NRIP1: variants seen among roughly 807,000 people sequenced by gnomAD.
NRIP1 encodes the protein nuclear receptor interacting protein 1, also known as nuclear receptor-interacting protein 1.
In NRIP1, 28 loss-of-function variants were observed where a neutral mutation model predicts 75.0. The ratio of observed to expected loss-of-function variants is 0.37; its 90% CI spans 0.28 to 0.51. The LOEUF is 0.51. Among genes scored for constraint, NRIP1 ranks in the 20% least tolerant of loss-of-function variants. The probability of loss-of-function intolerance (pLI) is 0.92; values close to 1 mark genes in which losing one functional copy is unlikely to be tolerated. For missense variants in NRIP1, 1,435 were observed against 1,343.7 expected (o/e 1.07, Z -1.06); for synonymous variants, 526 against 487.6 (o/e 1.08, Z -1.04).
intron 1 of NRIP1, chr21:15,051,242 C>A (rs929338892): frequency 6.1e-5 from 14 of 227,908 alleles, no homozygotes; most frequent in Admixed American, 3.1e-4. Flanking sequence ...TCACATGCAC[C>A]TGACTGACCA....
At chr21:15,011,061 AT>A (rs983886418) in intron 3 of NRIP1, among the ~76,000 whole-genome samples, 9 of 152,306 alleles carry the variant, frequency 5.9e-5, no homozygotes, top group Non-Finnish European at 1.0e-4. Flanking sequence ...GTTTAAACAC[AT>A]TTTACAAAGA....
intron 3 of NRIP1, among the ~76,000 whole-genome samples, chr21:14,989,677 C>CCT (rs1164469518): frequency 6.6e-6 from 1 of 152,052 alleles, no homozygotes; most frequent in East Asian, 1.9e-4. Context: ...TATCATGTTC[C>CCT]CTCTATTCCA....
At position 15,064,905 on chromosome 21, in the gene NRIP1, CG is replaced by C. The variant is rs929029840; in HGVS notation, c.-699del. On this transcript the variant is annotated 5_prime_UTR_variant, in exon 1 of 4. Coordinates refer to ENST00000318948, the MANE Select transcript of NRIP1 (RefSeq NM_003489.4). ...GAGGCCACGGGCGGACGGGCGCGCG[CG>C]GGTGGCGGGCGGGCGTGGGGCCGGG... The C allele has an allele frequency of 6.1e-5, 9 of 148,404 alleles. No individual in the cohort carries two copies. The highest frequency in any genetic ancestry group is 1.1e-4 in the Non-Finnish European group (7 of 66,570). 9.2% of individuals were successfully genotyped at this position (148,404 alleles called of 1,614,324 possible).
At chr21:14,971,484 C>G (rs1049989580) in intron 3 of NRIP1, 4 of 152,148 alleles carry the variant, frequency 2.6e-5, no homozygotes, top group Non-Finnish European at 4.4e-5. Flanking sequence ...AACTCCCAAT[C>G]TGCTTCAAGA....
In NRIP1 at chr21:14,961,327, T is replaced by G. The variant is rs941853655; in HGVS notation, c.*3389A>C. 6.6e-6 allele frequency: 1 copy of G among 152,442 alleles called. No homozygotes were observed. Among genetic ancestry groups the G allele is most frequent in the Non-Finnish European group, 1.5e-5 (1 of 67,900 alleles). The allele number at this position is 152,442 out of a possible 1,614,324, so 9.4% of individuals were successfully genotyped here. ...AAACAAAAAAATTCACACTGCAGTA[T>G]GTACAGTTTCATGACATCACATGAA... On this transcript the variant is annotated 3_prime_UTR_variant, in exon 4 of 4. Coordinates refer to ENST00000318948, the MANE Select transcript of NRIP1 (RefSeq NM_003489.4).
intron 3 of NRIP1, among the ~76,000 whole-genome samples, chr21:15,009,339 T>C (rs987849288): frequency 5.2e-4 from 79 of 152,354 alleles, no homozygotes; most frequent in African/African-American, 1.8e-3. Flanking sequence ...TGCTATGTTG[T>C]TAAGAGCTGA....
rs1465470864 is a variant in NRIP1, at chr21:14,967,008, T to C, written c.1185A>G (p.Gly395=). 5 of 1,614,154 alleles carry C rather than the reference T, an allele frequency of 3.1e-6. No homozygotes were observed. The highest frequency in any genetic ancestry group is 4.2e-6 in the Non-Finnish European group (5 of 1,180,000). The change falls in exon 4 of 4, where the codon GGA becomes GGG. Residue 395 remains glycine (G), a synonymous_variant. Transcript: ENST00000318948. The stretch of plus-strand genomic sequence containing the variant: ...TGCTTCCTCTCTCACTGTGACTGTG[T>C]CCATTCATTGGCTTAGGTATAGTCT... The part of the protein sequence containing the change: ...KSQTIPKPMN[G]HSHSERGSIF...
intron 1 of NRIP1, chr21:15,052,218 T>C (rs1600931504): frequency 1.3e-5 from 2 of 152,164 alleles, no homozygotes; most frequent in Non-Finnish European, 2.9e-5. Context: ...AAAGCCTCAC[T>C]AAAACCTATC....
At chr21:15,052,000 T>C (rs2089211903) in intron 1 of NRIP1, 1 of 152,200 alleles carries the variant, frequency 6.6e-6, no homozygotes. Context: ...CCCTATCTAG[T>C]ACAAGTTCAA....
chr21:15,056,580 C>T (rs374349536), intron 1 of NRIP1, among the ~76,000 whole-genome samples: 2 of 152,050 alleles, frequency 1.3e-5, no homozygotes, highest in African/African-American at 4.8e-5. Flanking sequence ...AGACATTCTT[C>T]CCCCCATATT....
chr21:15,062,615 C>G (rs962432412), intron 1 of NRIP1, among the ~76,000 whole-genome samples: 2 of 152,198 alleles, frequency 1.3e-5, no homozygotes, highest in East Asian at 3.8e-4. Context: ...GTGGCACTTG[C>G]TATTTATTAC....
intron 2 of NRIP1, among the ~76,000 whole-genome samples, chr21:15,032,220 T>A (rs969439102): frequency 6.6e-6 from 1 of 152,184 alleles, no homozygotes; most frequent in Non-Finnish European, 1.5e-5. Context: ...ACTATGACTA[T>A]CCAAAACAAG....
chr21:15,005,690 A>G (rs1370202047), intron 3 of NRIP1, among the ~76,000 whole-genome samples: 1 of 152,328 alleles, frequency 6.6e-6, no homozygotes, highest in South Asian at 2.1e-4. Flanking sequence ...ATTAAAAACA[A>G]GGTCTTTGAC....
chr21:15,012,297 A>G (rs972230334), intron 3 of NRIP1, among the ~76,000 whole-genome samples: 7 of 152,282 alleles, frequency 4.6e-5, no homozygotes, highest in Admixed American at 3.3e-4. Flanking sequence ...TATTTAACAC[A>G]ACACGTTTTA....
intron 2 of NRIP1, among the ~76,000 whole-genome samples, chr21:15,018,925 C>T (rs561952929): frequency 4.1e-4 from 62 of 152,052 alleles, no homozygotes; most frequent in Non-Finnish European, 5.1e-4. Context: ...GAAAAAATTC[C>T]ACCTTCCACT....
chr21:14,998,221 C>T (rs1008811330), intron 3 of NRIP1, among the ~76,000 whole-genome samples: 2 of 152,180 alleles, frequency 1.3e-5, no homozygotes, highest in African/African-American at 4.8e-5. Context: ...GCACCCTGAA[C>T]TAGGCATGTG....
chr21:15,022,133 A>T (rs1481051635), intron 2 of NRIP1, among the ~76,000 whole-genome samples: 2 of 152,224 alleles, frequency 1.3e-5, no homozygotes, highest in Non-Finnish European at 2.9e-5. Flanking sequence ...CACGACATGA[A>T]ATCAACCCAA....
Position 14,966,774 on chromosome 21 carries a change from T to G in NRIP1, c.1419A>C (p.Pro473=), listed in dbSNP as rs754937893. 1 of 1,614,124 alleles carries G rather than the reference T, an allele frequency of 6.2e-7. No individual in the cohort carries two copies. The highest frequency in any genetic ancestry group is 8.5e-7 in the Non-Finnish European group (1 of 1,180,014). ...CTTTGATATCTACATCTGGGACTTT[T>G]GGATCCCAAGTGTTTAGCAAGGATT... ...FTQSLLNTWD[P]KVPDVDIKED... Residue 473 remains proline, a synonymous_variant, in exon 4 of 4, where the codon CCA becomes CCC. Transcript: ENST00000318948.
intron 2 of NRIP1, among the ~76,000 whole-genome samples, chr21:15,026,958 C>T (rs2088534942): frequency 1.3e-5 from 2 of 152,198 alleles, no homozygotes; most frequent in African/African-American, 4.8e-5. Flanking sequence ...TCATGATGTG[C>T]TTACTTCACA....
Sources: gnomAD v4.1 joint callset for allele counts (sites outside exome capture counted in the v4.1 genomes callset) on GRCh38, gnomAD v4.1.1 for gene constraint, MANE v1.5 for transcripts, NCBI Gene and HGNC (gene_info 2026-07-23, HGNC 2026-07-21) for gene names.